CHMP5: variants seen among roughly 807,000 people sequenced by gnomAD.
CHMP5 encodes charged multivesicular body protein 5.
A neutral mutation model predicts 33.0 loss-of-function variants in CHMP5; 17 were observed. That is an observed-to-expected ratio of 0.52 (90% confidence interval 0.35 to 0.77). The LOEUF is 0.77. CHMP5 is among the 30% of genes least tolerant of loss of function. The pLI is 0.01. For missense variants in CHMP5, 216 were observed against 261.5 expected (o/e 0.83, Z 1.20); for synonymous variants, 76 against 90.2 (o/e 0.84, Z 0.89).
intron 5 of CHMP5, among the ~76,000 whole-genome samples, chr9:33,271,717 A>G (rs1564086444): frequency 1.3e-5 from 2 of 152,186 alleles, no homozygotes; most frequent in Non-Finnish European, 2.9e-5. Flanking sequence ...TCTACTTAAG[A>G]TATTTTGAAC....
chr9:33,280,911 G>T lies in CHMP5; in HGVS notation c.*52G>T. On this transcript the variant is annotated 3_prime_UTR_variant, in exon 8 of 8. Transcript: ENST00000223500. ...AAAACAAACACATATTATGGGACTAGGAAATATTTATCTTTCCAAATTTGC... is the reference window on the plus strand; with the variant it reads ...AAAACAAACACATATTATGGGACTATGAAATATTTATCTTTCCAAATTTGC... 2.1e-6 allele frequency: 3 copies of T among 1,450,660 alleles called. No individual in the cohort carries two copies. Among genetic ancestry groups the T allele is most frequent in the Non-Finnish European group, 2.8e-6 (3 of 1,058,650 alleles). The allele number at this position is 1,450,660 out of a possible 1,614,324, so 89.9% of individuals were successfully genotyped here. A position where few individuals can be genotyped will look rare whatever the true frequency, so the allele number is the denominator to read the frequency against.
At chr9:33,278,803 T>C (rs1820886068) in intron 7 of CHMP5, among the ~76,000 whole-genome samples, 1 of 152,194 alleles carries the variant, frequency 6.6e-6, no homozygotes, top group Admixed American at 6.5e-5. Flanking sequence ...ATTGTAAGCT[T>C]TTCTTTTCCT....
intron 6 of CHMP5, among the ~76,000 whole-genome samples, chr9:33,277,190 C>CAAAAAAAA (rs59657807): frequency 7.5e-5 from 4 of 53,402 alleles, no homozygotes; most frequent in Non-Finnish European, 8.1e-5. Flanking sequence ...GACCTTCTCT[C>CAAAAAAAA]AAAAAAAAAA....
chr9:33,275,222 A>G (rs993802216), intron 5 of CHMP5, among the ~76,000 whole-genome samples: 3 of 152,230 alleles, frequency 2.0e-5, no homozygotes, highest in African/African-American at 7.2e-5. Context: ...ATGGAGGACC[A>G]ACTGGGGACT....
intron 3 of CHMP5, among the ~76,000 whole-genome samples, chr9:33,269,026 T>C (rs756148179): frequency 6.6e-6 from 1 of 152,220 alleles, no homozygotes; most frequent in Non-Finnish European, 1.5e-5. Flanking sequence ...ACCATTTGCT[T>C]GCACCATGAA....
intron 6 of CHMP5, among the ~76,000 whole-genome samples, chr9:33,277,147 G>C (rs1820865070): frequency 7.3e-6 from 1 of 136,632 alleles, no homozygotes; most frequent in African/African-American, 2.8e-5. Context: ...AGTGAGCCGA[G>C]ATTGCCCCAC....
intron 3 of CHMP5, among the ~76,000 whole-genome samples, chr9:33,269,833 C>T (rs973513103): frequency 2.0e-5 from 3 of 151,996 alleles, no homozygotes; most frequent in East Asian, 2.0e-4. Context: ...ATTAACCAAG[C>T]GTGGTGGCGC....
chr9:33,272,757 G>C (rs969490004), intron 5 of CHMP5, among the ~76,000 whole-genome samples: 1 of 151,830 alleles, frequency 6.6e-6, no homozygotes, highest in East Asian at 1.9e-4. Flanking sequence ...CCAAGATTGC[G>C]CCACTGCACT....
intron 3 of CHMP5, among the ~76,000 whole-genome samples, chr9:33,268,760 A>G (rs1587797006): frequency 1.3e-5 from 2 of 152,348 alleles, no homozygotes; most frequent in East Asian, 1.9e-4. Context: ...ATACATAAAT[A>G]TGAACAGAAG....
intron 7 of CHMP5, among the ~76,000 whole-genome samples, chr9:33,280,367 T>C (rs1349056780): frequency 6.6e-6 from 1 of 152,216 alleles, no homozygotes; most frequent in African/African-American, 2.4e-5. Context: ...TGTCGCTGCC[T>C]ATGATTATAG....
chr9:33,271,297 G>A (rs1820792135), intron 5 of CHMP5, 74 bp downstream of exon 5: 5 of 1,202,094 alleles, frequency 4.2e-6, no homozygotes, highest in Non-Finnish European at 6.2e-6. Context: ...GCATGTGATA[G>A]GAAGAGCACA....
rs1820790751 is a variant in CHMP5 at position 33,271,218 on chromosome 9, A to G, written c.382A>G (p.Ile128Val). 3.1e-6 allele frequency: 5 copies of G among 1,612,834 alleles called. No individual in the cohort carries two copies. Among genetic ancestry groups the G allele is most frequent in the African/African-American group, 1.3e-5 (1 of 74,908 alleles). Residue 128 changes from isoleucine to valine, a missense_variant, in exon 5 of 8, where the codon ATT becomes GTT. Transcript: ENST00000223500. ...KAYKQVKIDQ[I>V]EDLQDQLEDM... ...ATACAAGCAAGTGAAGATCGACCAG[A>G]TTGAGGTGAGACATATGCTAGTTTC...
In CHMP5 at chr9:33,265,059, T is replaced by G. The variant is rs748167614; in HGVS notation, c.-20T>G. 5.6e-6 allele frequency: 9 copies of G among 1,614,068 alleles called. No individual in the cohort carries two copies. Among genetic ancestry groups the G allele is most frequent in the South Asian group, 1.1e-5 (1 of 91,080 alleles). On this transcript the variant is annotated 5_prime_UTR_variant, in exon 1 of 8. Coordinates refer to ENST00000223500, the MANE Select transcript of CHMP5 (RefSeq NM_016410.6). ...TTCTGGTTTTGCTCTAGTGTTTGGGTTTCTTCGCGGCTGCTCAAGATGAAC... is the reference window on the plus strand; with the variant it reads ...TTCTGGTTTTGCTCTAGTGTTTGGGGTTCTTCGCGGCTGCTCAAGATGAAC...
intron 7 of CHMP5, among the ~76,000 whole-genome samples, chr9:33,278,966 C>T (rs1427630319): frequency 6.6e-6 from 1 of 152,136 alleles, no homozygotes; most frequent in Non-Finnish European, 1.5e-5. Context: ...TTCTGTCACT[C>T]AGGCTGGAGT....
intron 7 of CHMP5, among the ~76,000 whole-genome samples, chr9:33,279,424 A>G (rs1833657748): frequency 6.6e-6 from 1 of 152,060 alleles, no homozygotes; most frequent in Admixed American, 6.5e-5. Context: ...AGCCTGGGAT[A>G]GTCTTGCCTT....
chr9:33,280,790 C>T lies in CHMP5; in HGVS notation c.610-19C>T. 3 of 1,593,910 alleles carry T rather than the reference C, an allele frequency of 1.9e-6. No individual in the cohort carries two copies. The highest frequency in any genetic ancestry group is 2.6e-6 in the Non-Finnish European group (3 of 1,169,504). On this transcript the variant is annotated intron_variant, in intron 7 of 7. Coordinates refer to ENST00000223500, the MANE Select transcript of CHMP5 (RefSeq NM_016410.6). ...CAAATAGAAAAATAGTGGCACTAAA[C>T]ATTGCTTCCTTTTTACAGGATGGAG...
Position 33,278,158 on chromosome 9 carries a change from C to G in CHMP5, c.542C>G (p.Ser181Cys). The G allele has an allele frequency of 6.2e-7, 1 of 1,613,344 alleles. No homozygotes were observed. The highest frequency in any genetic ancestry group is 8.5e-7 in the Non-Finnish European group (1 of 1,179,630). ...GAGCTTCTGGCTGATGAAGACAGTT[C>G]TTATTTGGATGAGGCAGCATCTGCA... The part of the protein sequence containing the change: ...GDELLADEDS[S>C]YLDEAASAPA... Residue 181 changes from serine to cysteine, a missense_variant, in exon 7 of 8, where the codon TCT becomes TGT. Ser to Cys is a moderately radical substitution (Grantham distance 112). Transcript: ENST00000223500.
chr9:33,268,577 C>T (rs1820756161), intron 3 of CHMP5, among the ~76,000 whole-genome samples: 1 of 152,166 alleles, frequency 6.6e-6, no homozygotes, highest in Non-Finnish European at 1.5e-5. Context: ...TTATAAGATA[C>T]CAGATGCCAT....
chr9:33,280,880 T>C lies in CHMP5; in HGVS notation c.*21T>C. 6.3e-7 allele frequency: 1 copy of C among 1,599,492 alleles called. No homozygotes were observed. The highest frequency in any genetic ancestry group is 8.5e-7 in the Non-Finnish European group (1 of 1,172,424). On this transcript the variant is annotated 3_prime_UTR_variant, in exon 8 of 8. Transcript: ENST00000223500. ...CATAGATTTGCATCATTCAAGCATA[T>C]CTTGTAAAACAAACACATATTATGG...
Sources: allele counts gnomAD v4.1 joint callset (sites outside exome capture counted in the v4.1 genomes callset), GRCh38; gene constraint gnomAD v4.1.1; transcripts MANE v1.5; gene names NCBI Gene and HGNC (gene_info 2026-07-23, HGNC 2026-07-21).